Variants in PIEZO2 observed in about 807,000 individuals in gnomAD.
PIEZO2 encodes piezo type mechanosensitive ion channel component 2.
In PIEZO2, 172 loss-of-function variants were observed where a neutral mutation model predicts 337.3. That is an observed-to-expected ratio of 0.51 (90% CI 0.45 to 0.58). PIEZO2 has a LOEUF of 0.58. Among genes scored for constraint, PIEZO2 ranks in the 20% least tolerant of loss-of-function variants. The pLI is 0.00. For missense variants in PIEZO2, 3,028 were observed against 3,391.3 expected (o/e 0.89, Z 2.66); for synonymous variants, 1,251 against 1,228.5 (o/e 1.02, Z -0.38).
intron 27 of PIEZO2, among the ~76,000 whole-genome samples, chr18:10,753,868 A>G (rs1162007892): frequency 2.6e-5 from 4 of 152,092 alleles, no homozygotes; most frequent in African/African-American, 4.8e-5. Flanking sequence ...CTTTTTTTCT[A>G]AAATACATAA....
rs1251102509 is a variant in PIEZO2 at position 10,742,367 on chromosome 18, C to T, written c.4636+127G>A. ...CCATTCACAATGGGAAAATAAAGCT[C>T]GCTGAATCAAAAAAGTGTATCGATA... On this transcript the variant is annotated intron_variant, in intron 32 of 55. Coordinates refer to ENST00000674853, the MANE Select transcript of PIEZO2 (RefSeq NM_001378183.1). 27 of 1,082,296 alleles carry T rather than the reference C, an allele frequency of 2.5e-5. 1 individual carries two copies. Among genetic ancestry groups the T allele is most frequent in the South Asian group, 1.3e-4 (8 of 60,002 alleles). 67.0% of individuals were successfully genotyped at this position (1,082,296 alleles called of 1,614,324 possible).
Position 10,783,298 on chromosome 18 carries a change from T to C in PIEZO2, c.2492+1486A>G, listed in dbSNP as rs1456919982. Among the ~76,000 whole-genome samples the C allele has an allele frequency of 1.3e-5, 2 of 152,158 alleles. No individual in the cohort carries two copies. The highest frequency in any genetic ancestry group is 6.5e-5 in the Admixed American group (1 of 15,270). On this transcript the variant is annotated intron_variant, in intron 17 of 55. Transcript: ENST00000674853. This position sits in a 1 kb window ranked among gnomAD's most constrained non-coding sequence, Gnocchi z 4.3. ...AGGGCTTATAGTAAATTTAAACATG[T>C]TACATGGTCAGAATTAAATATCAAA... is the stretch of plus-strand genomic sequence containing the variant.
intron 3 of PIEZO2, among the ~76,000 whole-genome samples, chr18:10,965,529 T>C (rs1275820783): frequency 6.6e-6 from 1 of 152,182 alleles, no homozygotes; most frequent in Non-Finnish European, 1.5e-5. Flanking sequence ...AACATCTGTC[T>C]ATCTATCTAT....
chr18:10,995,136 A>G (rs1296859534), intron 2 of PIEZO2, among the ~76,000 whole-genome samples: 1 of 148,736 alleles, frequency 6.7e-6, no homozygotes, highest in Admixed American at 6.7e-5. Context: ...GCCAACATCT[A>G]TTTTTTTTTA....
At chr18:10,995,185 G>T (rs1481825300) in intron 2 of PIEZO2, among the ~76,000 whole-genome samples, 1 of 151,698 alleles carries the variant, frequency 6.6e-6, no homozygotes, top group Non-Finnish European at 1.5e-5. Context: ...GAGTAAGGTG[G>T]TATCAAATTG....
At chr18:10,967,018 G>GTT (rs1281379698) in intron 3 of PIEZO2, among the ~76,000 whole-genome samples, 27 of 122,848 alleles carry the variant, frequency 2.2e-4, no homozygotes, top group East Asian at 1.1e-3. Flanking sequence ...TCTGTTTTTT[G>GTT]TTTTTTTTTT....
Position 10,697,854 on chromosome 18 carries a change from G to A in PIEZO2, c.6721C>T (p.Gln2241Ter), listed in dbSNP as rs2035163592. 2 of 1,613,800 alleles carry A rather than the reference G, an allele frequency of 1.2e-6. No homozygotes were observed. Among genetic ancestry groups the A allele is most frequent in the Non-Finnish European group, 1.7e-6 (2 of 1,179,844 alleles). ...ATACTCAAAACACTGCTTCCTTTTT[G>A]ACTGCTGTTTCGGGTGCTTGTGCTG... The part of the protein sequence containing the change: ...RGSTSTRNSS[Q>*]KGSSVLSIKQ... Residue 2241 changes from glutamine (Q) to a stop codon, truncating the protein, a stop_gained, in exon 45 of 56, where the codon CAA becomes TAA. Transcript: ENST00000674853. LOFTEE classifies it high-confidence loss of function.
At chr18:10,744,503 G>A (rs1386095550) in intron 30 of PIEZO2, among the ~76,000 whole-genome samples, 1 of 152,118 alleles carries the variant, frequency 6.6e-6, no homozygotes, top group Admixed American at 6.5e-5. Context: ...TATTCTCCAA[G>A]ACATTGACAC....
intron 30 of PIEZO2, among the ~76,000 whole-genome samples, chr18:10,745,859 T>C (rs922975717): frequency 6.6e-6 from 1 of 152,184 alleles, no homozygotes; most frequent in African/African-American, 2.4e-5. Flanking sequence ...CTGAGTTTCA[T>C]GTGCCCATGA....
intron 52 of PIEZO2, among the ~76,000 whole-genome samples, chr18:10,679,521 T>C (rs368485953): frequency 9.6e-6 from 1 of 103,790 alleles, no homozygotes; most frequent in East Asian, 2.7e-4. Flanking sequence ...GAAACAATTT[T>C]AGATTTTCTA....
chr18:10,748,554 G>C lies in PIEZO2; in HGVS notation c.4341C>G (p.Leu1447=). The change falls in exon 30 of 56, where the codon CTC becomes CTG. Residue 1447 remains leucine, a synonymous_variant. Coordinates refer to ENST00000674853, the MANE Select transcript of PIEZO2 (RefSeq NM_001378183.1). The surrounding 1 kb of genome is among the most constrained non-coding windows in gnomAD (Gnocchi z 5.1). Reference sequence around the variant, plus strand: ...TCATGAAAACTCTTCTTTGCAGCAGGAGGAAGGCAAAACATATGCTGTCCC... The same window carrying C: ...TCATGAAAACTCTTCTTTGCAGCAGCAGGAAGGCAAAACATATGCTGTCCC... The part of the protein sequence containing the change: ...IIWDSICFAF[L]LLQRRVFMSY... The C allele has an allele frequency of 2.6e-6, 4 of 1,536,406 alleles. No individual in the cohort carries two copies. The highest frequency in any genetic ancestry group is 2.6e-6 in the Non-Finnish European group (3 of 1,146,500).
At chr18:11,100,758 G>C (rs1315989252) in intron 1 of PIEZO2, among the ~76,000 whole-genome samples, 1 of 152,118 alleles carries the variant, frequency 6.6e-6, no homozygotes, top group Non-Finnish European at 1.5e-5. Flanking sequence ...ACCACGCCTG[G>C]CTAATTTTTT....
At chr18:10,764,469 G>A (rs550957742) in intron 21 of PIEZO2, among the ~76,000 whole-genome samples, 80 of 151,948 alleles carry the variant, frequency 5.3e-4, no homozygotes, top group Admixed American at 2.6e-3. Flanking sequence ...GTGAAACCCC[G>A]TCTCTACTAA....
intron 20 of PIEZO2, among the ~76,000 whole-genome samples, chr18:10,772,298 T>C (rs911430644): frequency 4.6e-5 from 7 of 152,192 alleles, no homozygotes; most frequent in Non-Finnish European, 8.8e-5. Flanking sequence ...AGGTAATAAA[T>C]GAGCATGATT....
intron 3 of PIEZO2, among the ~76,000 whole-genome samples, chr18:10,963,960 A>G (rs1464934144): frequency 1.3e-5 from 2 of 152,180 alleles, no homozygotes; most frequent in African/African-American, 2.4e-5. Flanking sequence ...AGGAGAAGAA[A>G]AAGATGTATT....
At chr18:11,141,780 TGGCGACAATACTGA>T (rs1219792969) in intron 1 of PIEZO2, among the ~76,000 whole-genome samples, 1 of 152,120 alleles carries the variant, frequency 6.6e-6, no homozygotes, top group Non-Finnish European at 1.5e-5. Flanking sequence ...AGTTCAGAGT[TGGCGACAATACTGA>T]GGCGACAATA....
At chr18:10,797,276 T>C (rs2039643146) in intron 12 of PIEZO2, 98 bp downstream of exon 12, 5 of 1,099,160 alleles carry the variant, frequency 4.5e-6, no homozygotes, top group Non-Finnish European at 3.8e-6. Flanking sequence ...TATATACCAT[T>C]ATATATGTAC....
intron 1 of PIEZO2, among the ~76,000 whole-genome samples, chr18:11,134,280 C>A (rs2040421132): frequency 6.6e-6 from 1 of 152,090 alleles, no homozygotes; most frequent in South Asian, 2.1e-4. Flanking sequence ...ATGTGTGTAG[C>A]CTGGTTATTT....
Position 10,800,379 on chromosome 18 carries a change from A to G in PIEZO2, c.1336T>C (p.Ser446Pro). The G allele has an allele frequency of 3.9e-6, 6 of 1,536,068 alleles. No homozygotes were observed. The highest frequency in any genetic ancestry group is 5.2e-6 in the Non-Finnish European group (6 of 1,146,350). The change falls in exon 11 of 56, where the codon TCC becomes CCC. Residue 446 changes from serine (S) to proline (P), a missense_variant. By Grantham distance (74) the Ser-to-Pro change is moderately conservative. Coordinates refer to ENST00000674853, the MANE Select transcript of PIEZO2 (RefSeq NM_001378183.1). ...ENGPGKADLY[S>P]TPQYRWEPSD... ...GGCTCCCACCGGTACTGAGGGGTGG[A>G]GTAGAGGTCGGCTTTGCCAGGGCCG...
Sources: gnomAD v4.1 joint callset for allele counts (sites outside exome capture counted in the v4.1 genomes callset) on GRCh38, gnomAD v4.1.1 for gene constraint, Gnocchi (gnomAD v3.1) non-coding constraint, MANE v1.5 for transcripts, NCBI Gene and HGNC (gene_info 2026-07-23, HGNC 2026-07-21) for gene names.